MYO16: variants seen among roughly 807,000 people sequenced by gnomAD.
MYO16 encodes the protein unconventional myosin-XVI.
MYO16 carries 94 observed loss-of-function variants against 205.3 expected under a neutral mutation model. That is an observed-to-expected ratio of 0.46 (90% CI 0.39 to 0.54). The LOEUF is 0.54. Ranked by LOEUF, MYO16 falls within the 20% of genes least tolerant of loss-of-function variation. MYO16 has a pLI of 0.00. For missense variants in MYO16, 2,315 were observed against 2,387.5 expected, an observed-to-expected ratio of 0.97 and a Z score of 0.63; for synonymous variants, 988 against 954.0, an observed-to-expected ratio of 1.04 and a Z score of -0.66.
chr13:108,989,844 G>T (rs1884764689), intron 20 of MYO16, among the ~76,000 whole-genome samples: 1 of 151,790 alleles, frequency 6.6e-6, no homozygotes. Context: ...TAATAAGATT[G>T]ATACTTTTAA....
intron 16 of MYO16, among the ~76,000 whole-genome samples, chr13:108,923,273 C>T (rs377641135): frequency 3.9e-5 from 6 of 152,138 alleles, no homozygotes; most frequent in South Asian, 4.1e-4. Context: ...CCTCAGAACA[C>T]GGTTGAAAAC....
intron 15 of MYO16, among the ~76,000 whole-genome samples, chr13:108,898,681 A>G (rs1279285249): frequency 6.6e-6 from 1 of 152,134 alleles, no homozygotes; most frequent in Non-Finnish European, 1.5e-5. Context: ...ATTAAATCTA[A>G]ACATCAAAAT....
chr13:108,704,004 A>G (rs1883406867), intron 2 of MYO16, among the ~76,000 whole-genome samples: 1 of 152,216 alleles, frequency 6.6e-6, no homozygotes, highest in African/African-American at 2.4e-5. Flanking sequence ...TCAGAGAGTC[A>G]CATGTGAGGA....
At chr13:109,183,038 T>G (rs148786798) in intron 34 of MYO16, among the ~76,000 whole-genome samples, 3 of 152,348 alleles carry the variant, frequency 2.0e-5, no homozygotes, top group East Asian at 3.9e-4. Flanking sequence ...TTCCCAGGAC[T>G]CAAATCTAGA....
chr13:108,517,599 G>C, the MYO16 span, among the ~76,000 whole-genome samples: 1 of 152,278 alleles, frequency 6.6e-6, no homozygotes, highest in Non-Finnish European at 1.5e-5. Context: ...TATTGAAATT[G>C]AAATACAATG....
intron 22 of MYO16, among the ~76,000 whole-genome samples, chr13:109,012,451 T>C (rs1339178434): frequency 6.6e-6 from 1 of 152,198 alleles, no homozygotes; most frequent in African/African-American, 2.4e-5. Context: ...ACACTCCTTA[T>C]GAGAATCGAA....
intron 1 of MYO16, among the ~76,000 whole-genome samples, chr13:108,653,385 GT>G (rs1881098756): frequency 6.6e-6 from 1 of 152,060 alleles, no homozygotes; most frequent in African/African-American, 2.4e-5. Context: ...AAGTTTTTAA[GT>G]TTGATGTAGT....
At chr13:109,198,894 A>G (rs1223271630) in intron 34 of MYO16, among the ~76,000 whole-genome samples, 1 of 152,104 alleles carries the variant, frequency 6.6e-6, no homozygotes, top group East Asian at 1.9e-4. Flanking sequence ...CATCCCAGGC[A>G]TTCCGGCTCC....
intron 34 of MYO16, among the ~76,000 whole-genome samples, chr13:109,203,259 C>A (rs748775028): frequency 2.0e-5 from 3 of 152,330 alleles, no homozygotes; most frequent in East Asian, 3.9e-4. Context: ...CATAAACAGA[C>A]AACCCACAGT....
At chr13:108,726,643 G>C (rs1370494767) in intron 3 of MYO16, among the ~76,000 whole-genome samples, 1 of 151,866 alleles carries the variant, frequency 6.6e-6, no homozygotes, top group Admixed American at 6.6e-5. Context: ...TAAATATCTG[G>C]GACTTTTCAA....
At chr13:108,733,532 T>C (rs1477374828) in intron 4 of MYO16, among the ~76,000 whole-genome samples, 1 of 152,222 alleles carries the variant, frequency 6.6e-6, no homozygotes, top group Non-Finnish European at 1.5e-5. Flanking sequence ...ATATTGCTTA[T>C]AATTCATTCA....
At chr13:108,566,501 G>A in the MYO16 span, among the ~76,000 whole-genome samples, 1 of 151,412 alleles carries the variant, frequency 6.6e-6, no homozygotes, top group African/African-American at 2.4e-5. Flanking sequence ...GCATGGTGGT[G>A]GGTGCCTATA....
chr13:108,665,748 T>G, intron 1 of MYO16, 138 bp from the exon 2 acceptor site: 1 of 876,030 alleles, frequency 1.1e-6, no homozygotes, highest in South Asian at 3.0e-5. Context: ...GGGCTTTGGA[T>G]TTGCAATATC....
the MYO16 span, among the ~76,000 whole-genome samples, chr13:108,508,363 T>C: frequency 1.2e-4 from 18 of 152,174 alleles, no homozygotes; most frequent in Admixed American, 5.2e-4. Context: ...CAAAGCTTTT[T>C]TGGGGATGCA....
intron 20 of MYO16, among the ~76,000 whole-genome samples, chr13:108,970,324 G>A (rs745675175): frequency 3.3e-5 from 5 of 152,154 alleles, no homozygotes; most frequent in Non-Finnish European, 7.3e-5. Context: ...GTTTTCTAAT[G>A]TCCCACCTCC....
chr13:108,528,414 C>T, the MYO16 span, among the ~76,000 whole-genome samples: 2 of 152,256 alleles, frequency 1.3e-5, no homozygotes, highest in African/African-American at 2.4e-5. Flanking sequence ...GAAACTAATA[C>T]AGTGAGGAGA....
chr13:109,147,955 T>G (rs1877430551), intron 32 of MYO16, among the ~76,000 whole-genome samples: 1 of 152,092 alleles, frequency 6.6e-6, no homozygotes, highest in Non-Finnish European at 1.5e-5. Flanking sequence ...TGTGTGAAGT[T>G]TCTTCCTTTG....
At chr13:108,875,992 T>C (rs901975716) in intron 12 of MYO16, among the ~76,000 whole-genome samples, 3 of 152,206 alleles carry the variant, frequency 2.0e-5, no homozygotes, top group Admixed American at 1.3e-4. Flanking sequence ...ATTTACAAAA[T>C]AGAGAGTTGA....
chr13:108,759,819 C>CAAA (rs34991762), intron 4 of MYO16, among the ~76,000 whole-genome samples: 1 of 123,878 alleles, frequency 8.1e-6, no homozygotes. Flanking sequence ...GACTCCGTCT[C>CAAA]AAAAAAAAAA....
Sources: gnomAD v4.1 joint callset for allele counts (sites outside exome capture counted in the v4.1 genomes callset) on GRCh38, gnomAD v4.1.1 for gene constraint, MANE v1.5 for transcripts, NCBI Gene and HGNC (gene_info 2026-07-23, HGNC 2026-07-21) for gene names.